The following PIP4K2A variants were observed in gnomAD, a reference collection of about 807,000 sequenced individuals.
PIP4K2A encodes phosphatidylinositol 5-phosphate 4-kinase type-2 alpha.
In PIP4K2A, 14 loss-of-function variants were observed where a neutral mutation model predicts 42.9. That is an observed-to-expected ratio of 0.33 (90% CI 0.22 to 0.51). The LOEUF is 0.51. Ranked by LOEUF, PIP4K2A falls within the 20% of genes least tolerant of loss-of-function variation. PIP4K2A has a pLI of 0.97. For missense variants in PIP4K2A, 434 were observed against 519.8 expected (o/e 0.83, Z 1.61); for synonymous variants, 192 against 192.2 (o/e 1.00, Z 0.01).
At chr10:22,604,017 A>G (rs1412970960) in intron 3 of PIP4K2A, among the ~76,000 whole-genome samples, 3 of 151,520 alleles carry the variant, frequency 2.0e-5, no homozygotes, top group African/African-American at 7.3e-5. Context: ...ACGCACACAC[A>G]CACACACACA....
At chr10:22,544,603 G>T (rs1299880310) in intron 7 of PIP4K2A, among the ~76,000 whole-genome samples, 4 of 152,164 alleles carry the variant, frequency 2.6e-5, no homozygotes, top group African/African-American at 9.7e-5. Context: ...TGCTTGGAAG[G>T]TCCCTGTGAA....
At chr10:22,581,136 CCTT>C (rs1165456115) in intron 4 of PIP4K2A, among the ~76,000 whole-genome samples, 1 of 42,434 alleles carries the variant, frequency 2.4e-5, no homozygotes, top group South Asian at 1.2e-3. Flanking sequence ...TTCAGCGGCT[CCTT>C]GAGTAGGGCT....
At chr10:22,576,296 T>TG (rs1837119360) in intron 4 of PIP4K2A, among the ~76,000 whole-genome samples, 2 of 152,346 alleles carry the variant, frequency 1.3e-5, no homozygotes, top group South Asian at 4.1e-4. Context: ...TAGGAACCTC[T>TG]GTTCTCTAGC....
intron 6 of PIP4K2A, among the ~76,000 whole-genome samples, chr10:22,560,491 C>G (rs1836661950): frequency 6.6e-6 from 1 of 152,168 alleles, no homozygotes; most frequent in African/African-American, 2.4e-5. Flanking sequence ...ATGATTAATC[C>G]TCTCGAACCC....
At position 22,536,166 on chromosome 10, in the gene PIP4K2A, T is replaced by G. The variant is rs528294023; in HGVS notation, c.*1035A>C. 1 of 398,560 alleles carries G rather than the reference T, an allele frequency of 2.5e-6. No homozygotes were observed. The highest frequency in any genetic ancestry group is 4.4e-5 in the Admixed American group (1 of 22,738). The allele number at this position is 398,560 out of a possible 1,614,324, so 24.7% of individuals were successfully genotyped here. On this transcript the variant is annotated 3_prime_UTR_variant, in exon 10 of 10. Coordinates refer to ENST00000376573, the MANE Select transcript of PIP4K2A (RefSeq NM_005028.5). The stretch of plus-strand genomic sequence containing the variant: ...TAACAAAATCCCATTGTTGAAACAA[T>G]GGTCAAACATAAACATCTTATAATT...
At chr10:22,558,930 CT>C (rs749186429) in intron 6 of PIP4K2A, among the ~76,000 whole-genome samples, 10 of 152,072 alleles carry the variant, frequency 6.6e-5, no homozygotes, top group Non-Finnish European at 1.3e-4. Flanking sequence ...AAATTTATTC[CT>C]TTTTTAATAC....
intron 1 of PIP4K2A, among the ~76,000 whole-genome samples, chr10:22,698,307 C>T (rs1189399943): frequency 3.9e-5 from 6 of 152,106 alleles, no homozygotes; most frequent in Admixed American, 3.9e-4. Context: ...CAATTTAGAA[C>T]CCTGAAAGCA....
intron 3 of PIP4K2A, among the ~76,000 whole-genome samples, chr10:22,596,098 G>C (rs974917906): frequency 5.3e-5 from 8 of 151,000 alleles, no homozygotes; most frequent in Non-Finnish European, 8.9e-5. Context: ...CCAGCTACTC[G>C]GGAGGCTGAG....
chr10:22,633,436 C>T (rs946292738), intron 1 of PIP4K2A, among the ~76,000 whole-genome samples: 2 of 152,158 alleles, frequency 1.3e-5, no homozygotes, highest in African/African-American at 4.8e-5. Flanking sequence ...ATTTTACCCA[C>T]TTACCCACAG....
intron 6 of PIP4K2A, among the ~76,000 whole-genome samples, chr10:22,563,683 C>G (rs769414001): frequency 3.9e-5 from 6 of 152,278 alleles, no homozygotes; most frequent in Middle Eastern, 3.4e-3. Flanking sequence ...AATGTGCGCT[C>G]TGGGGCTGCT....
At chr10:22,681,760 C>T (rs1839666600) in intron 1 of PIP4K2A, among the ~76,000 whole-genome samples, 1 of 151,850 alleles carries the variant, frequency 6.6e-6, no homozygotes, top group Admixed American at 6.6e-5. Context: ...TTTCAGCTAC[C>T]AGCAATATTT....
intron 1 of PIP4K2A, among the ~76,000 whole-genome samples, chr10:22,684,347 T>C (rs1304265023): frequency 6.6e-6 from 1 of 152,188 alleles, no homozygotes; most frequent in East Asian, 1.9e-4. Context: ...CCTTATTTTT[T>C]CTTTGATTGC....
At chr10:22,543,919 TC>T (rs1332117525) in intron 7 of PIP4K2A, among the ~76,000 whole-genome samples, 3 of 152,156 alleles carry the variant, frequency 2.0e-5, no homozygotes, top group Non-Finnish European at 4.4e-5. Context: ...GGGCAGGCTC[TC>T]CGTGTGAGAC....
intron 4 of PIP4K2A, 118 bp from the exon 5 acceptor site, chr10:22,573,575 C>T (rs1444524424): frequency 1.3e-6 from 1 of 791,464 alleles, no homozygotes; most frequent in African/African-American, 1.8e-5. Context: ...CCATTAGGGT[C>T]TTATTTACAG....
chr10:22,681,903 T>C (rs1839670265), intron 1 of PIP4K2A, among the ~76,000 whole-genome samples: 1 of 152,206 alleles, frequency 6.6e-6, no homozygotes, highest in South Asian at 2.1e-4. Context: ...GGCAAACAAA[T>C]GAGTGTGGCT....
intron 4 of PIP4K2A, among the ~76,000 whole-genome samples, chr10:22,584,261 G>A (rs1406065380): frequency 5.3e-5 from 8 of 151,680 alleles, no homozygotes; most frequent in Non-Finnish European, 8.8e-5. Context: ...AGGAATGAAC[G>A]GTCAGATTTT....
intron 1 of PIP4K2A, chr10:22,694,478 T>G (rs943831192): frequency 6.6e-6 from 1 of 152,208 alleles, no homozygotes; most frequent in Non-Finnish European, 1.5e-5. Flanking sequence ...CATACAGAGG[T>G]GTTCCAGTTC....
At chr10:22,610,845 T>C (rs1166840586) in intron 1 of PIP4K2A, among the ~76,000 whole-genome samples, 1 of 152,136 alleles carries the variant, frequency 6.6e-6, no homozygotes, top group Non-Finnish European at 1.5e-5. Flanking sequence ...TGGAAGTAAA[T>C]GTAAATGATC....
At chr10:22,553,988 CAT>C (rs888538534) in intron 6 of PIP4K2A, among the ~76,000 whole-genome samples, 1 of 151,750 alleles carries the variant, frequency 6.6e-6, no homozygotes, top group African/African-American at 2.4e-5. Context: ...AGTAATAAAA[CAT>C]ATGAGATAAC....
Sources: gnomAD v4.1 joint callset for allele counts (sites outside exome capture counted in the v4.1 genomes callset) on GRCh38, gnomAD v4.1.1 for gene constraint, MANE v1.5 for transcripts, NCBI Gene and HGNC (gene_info 2026-07-23, HGNC 2026-07-21) for gene names.